The following SBNO2 variants were observed in gnomAD, a reference collection of about 807,000 sequenced individuals.
The protein encoded by SBNO2 is protein strawberry notch homolog 2.
A neutral mutation model predicts 146.3 loss-of-function variants in SBNO2; 89 were observed. The ratio of observed to expected loss-of-function variants is 0.61; its 90% CI spans 0.51 to 0.73. The LOEUF (loss-of-function observed/expected upper bound fraction) is 0.73. Ranked by LOEUF, SBNO2 falls within the 30% of genes least tolerant of loss-of-function variation. The probability of loss-of-function intolerance (pLI) is 0.00; values close to 1 mark genes in which losing one functional copy is unlikely to be tolerated. For missense variants in SBNO2, 2,092 were observed against 2,003.7 expected, an observed-to-expected ratio of 1.04 and a Z score of -0.84; for synonymous variants, 1,147 against 892.6, an observed-to-expected ratio of 1.29 and a Z score of -5.08.
intron 6 of SBNO2, 142 bp downstream of exon 6, chr19:1,123,800 T>C: frequency 9.4e-7 from 1 of 1,060,784 alleles, no homozygotes; most frequent in Non-Finnish European, 1.4e-6. Flanking sequence ...CCCCAGGGCC[T>C]CCATCTCCTC....
Position 1,122,805 on chromosome 19 carries a change from G to A in SBNO2, c.781-14C>T. The A allele has an allele frequency of 6.5e-7, 1 of 1,538,162 alleles. No individual in the cohort carries two copies. Among genetic ancestry groups the A allele is most frequent in the East Asian group, 2.4e-5 (1 of 41,004 alleles). On this transcript the variant is annotated splice_polypyrimidine_tract_variant and intron_variant, in intron 8 of 31. Coordinates refer to ENST00000361757, the MANE Select transcript of SBNO2 (RefSeq NM_014963.3). ...GACCTCGTGTTGCTGTTGCCGGAGA[G>A]CAGGCGTCAGGGCCTGGGGGTGCTG...
chr19:1,173,646 CG>C lies in SBNO2; in HGVS notation c.-127+525del. On this transcript the variant is annotated intron_variant, in intron 1 of 31. Transcript: ENST00000361757. This position sits in a 1 kb window ranked among gnomAD's most constrained non-coding sequence, Gnocchi z 4.7. ...CAGGAATCGGGGCGGCGGGAGAGAC[CG>C]GGGGTCACTCCCAGGAAGGGGTCGA... The C allele has an allele frequency of 6.6e-6, 1 of 152,238 alleles. No individual in the cohort carries two copies. The highest frequency in any genetic ancestry group is 1.5e-5 in the Non-Finnish European group (1 of 68,224). The allele number at this position is 152,238 out of a possible 1,614,324, so 9.4% of individuals were successfully genotyped here. A position where few individuals can be genotyped will look rare whatever the true frequency, so the allele number is the denominator to read the frequency against.
At position 1,144,997 on chromosome 19, in the gene SBNO2, T is replaced by G. The variant is rs1162637370; in HGVS notation, c.279+2312A>C. On this transcript the variant is annotated intron_variant, in intron 4 of 31. Coordinates refer to ENST00000361757, the MANE Select transcript of SBNO2 (RefSeq NM_014963.3). This position sits in a 1 kb window ranked among gnomAD's most constrained non-coding sequence, Gnocchi z 4.1. ...AGAGACTGAGAGGGAGACAGAGAGA[T>G]GGAGCATAGAGGGAGACAGAGACAG... 3.4e-5 allele frequency among the ~76,000 whole-genome samples: 4 copies of G among 116,764 alleles called. No homozygotes were observed. Among genetic ancestry groups the G allele is most frequent in the African/African-American group, 3.5e-5 (1 of 28,842 alleles). The allele number at this position is 116,764 out of a possible 152,430, so 76.6% of individuals were successfully genotyped here.
chr19:1,131,536 T>G (rs562164273), intron 4 of SBNO2, among the ~76,000 whole-genome samples: 81 of 152,312 alleles, frequency 5.3e-4, no homozygotes, highest in African/African-American at 1.6e-3. Context: ...CCAGACCTGA[T>G]GTGCTGCCGC....
At position 1,108,816 on chromosome 19, in the gene SBNO2, G is replaced by C. The variant is rs762118022; in HGVS notation, c.3579C>G (p.Ile1193Met). 1 of 1,602,988 alleles carries C rather than the reference G, an allele frequency of 6.2e-7. No homozygotes were observed. The highest frequency in any genetic ancestry group is 8.5e-7 in the Non-Finnish European group (1 of 1,179,004). The change falls in exon 31 of 32, where the codon ATC becomes ATG. Residue 1193 changes from isoleucine (I) to methionine (M), a missense_variant. Ile to Met is a conservative substitution (Grantham distance 10). Transcript: ENST00000361757. ...ADVSSSSYLQ[I>M]VRLKTKDRKK... The stretch of plus-strand genomic sequence containing the variant: ...TCCTGTCCTTGGTCTTCAGCCGCAC[G>C]ATCTGCAGGTAGCTGCTGCTGCTGA...
At position 1,108,719 on chromosome 19, in the gene SBNO2, T is replaced by G. The variant is rs767137863; in HGVS notation, c.3617-15A>C. The stretch of plus-strand genomic sequence containing the variant: ...GATCTTGATGCCTGCGGGCAGAGCG[T>G]CGGGGTCAGGGCCGGCGCTGGGGGC... On this transcript the variant is annotated splice_polypyrimidine_tract_variant and intron_variant, in intron 31 of 31. Transcript: ENST00000361757. 26 of 1,564,426 alleles carry G rather than the reference T, an allele frequency of 1.7e-5. No individual in the cohort carries two copies. The highest frequency in any genetic ancestry group is 2.1e-5 in the Non-Finnish European group (25 of 1,163,398).
At chr19:1,113,831 C>A in intron 18 of SBNO2, 127 bp from the exon 19 acceptor site, 1 of 1,216,818 alleles carries the variant, frequency 8.2e-7, no homozygotes, top group Non-Finnish European at 1.1e-6. Flanking sequence ...GGCAGGGTGG[C>A]GGGGAAGCCC....
At chr19:1,120,169 T>G (rs2079883418) in intron 11 of SBNO2, 146 bp from the exon 12 acceptor site, 5 of 624,286 alleles carry the variant, frequency 8.0e-6, no homozygotes, top group Non-Finnish European at 1.4e-5. Context: ...CAGGTCGGAG[T>G]GGCAGCCGGC....
intron 4 of SBNO2, chr19:1,132,345 C>G: frequency 1.6e-6 from 2 of 1,255,456 alleles, no homozygotes; most frequent in Non-Finnish European, 2.0e-6. Flanking sequence ...GATGCCGGCC[C>G]CGTAAGTCAG....
rs1405607699 is a variant in SBNO2 at position 1,109,768 on chromosome 19, G to A, written c.3038C>T (p.Pro1013Leu). 6.3e-7 allele frequency: 1 copy of A among 1,593,480 alleles called. No homozygotes were observed. The highest frequency in any genetic ancestry group is 1.1e-5 in the South Asian group (1 of 88,494). Reference protein sequence around the residue: ...KYDMGILDLAPGIEEIYEESQ... With the variant: ...KYDMGILDLALGIEEIYEESQ... The stretch of plus-strand genomic sequence containing the variant: ...CTCCTCGTAGATCTCCTCGATACCG[G>A]GAGCAAGGTCTAGGGGGGCGGGTGG... Residue 1013 changes from proline to leucine, a missense_variant, in exon 27 of 32, where the codon CCC becomes CTC. Transcript: ENST00000361757. This position sits in a 1 kb window ranked among gnomAD's most constrained non-coding sequence, Gnocchi z 4.2.
At chr19:1,133,896 T>C (rs1280409573) in intron 4 of SBNO2, among the ~76,000 whole-genome samples, 4 of 152,210 alleles carry the variant, frequency 2.6e-5, no homozygotes, top group Non-Finnish European at 5.9e-5. Flanking sequence ...GGAACCATCC[T>C]GCAGCTCCTC....
At chr19:1,151,390 A>C (rs2080241009) in intron 2 of SBNO2, among the ~76,000 whole-genome samples, 1 of 152,076 alleles carries the variant, frequency 6.6e-6, no homozygotes. Context: ...AGGCTAGGGG[A>C]TGGGACGGGG....
intron 1 of SBNO2, among the ~76,000 whole-genome samples, chr19:1,169,317 G>T (rs1014281428): frequency 6.6e-6 from 1 of 152,192 alleles, no homozygotes; most frequent in Non-Finnish European, 1.5e-5. Context: ...GGAGAGCCAG[G>T]GCACAGGGCA....
At chr19:1,123,466 C>A in intron 7 of SBNO2, 68 bp downstream of exon 7, 2 of 1,374,340 alleles carry the variant, frequency 1.5e-6, no homozygotes, top group Non-Finnish European at 1.0e-6. Context: ...CGGTGGTCAC[C>A]TGCAGGGTCT....
chr19:1,109,578 C>A lies in SBNO2; in HGVS notation c.3144G>T (p.Leu1048=). 6.3e-7 allele frequency: 1 copy of A among 1,593,610 alleles called. No individual in the cohort carries two copies. Among genetic ancestry groups the A allele is most frequent in the East Asian group, 2.3e-5 (1 of 43,938 alleles). The stretch of plus-strand genomic sequence containing the variant: ...ACTTGGCAAAGGCGTCCTCCCACTT[C>A]AGGCCGCGGTCCACGCTGATCTGCC... ...VFYKISVDRG[L]KWEDAFAKSL... is the part of the protein sequence containing the mutation. The change falls in exon 28 of 32, where the codon CTG becomes CTT. Residue 1048 remains leucine, a synonymous_variant. Coordinates refer to ENST00000361757, the MANE Select transcript of SBNO2 (RefSeq NM_014963.3). The surrounding 1 kb of genome is among the most constrained non-coding windows in gnomAD (Gnocchi z 4.2).
rs1464200242 is a variant in SBNO2 at position 1,108,299 on chromosome 19, C to G, written c.4022G>C (p.Gly1341Ala). 2 of 1,484,376 alleles carry G rather than the reference C, an allele frequency of 1.3e-6. No homozygotes were observed. Among genetic ancestry groups the G allele is most frequent in the South Asian group, 2.5e-5 (2 of 80,736 alleles). 92.0% of individuals were successfully genotyped at this position (1,484,376 alleles called of 1,614,324 possible). A position where few individuals can be genotyped will look rare whatever the true frequency, so the allele number is the denominator to read the frequency against. Reference sequence around the variant, plus strand: ...CCGCTCGGGACCACCGCCCGCCGCGCCCCCCGCCCCCGCGCCCTCCCCCAG... The same window carrying G: ...CCGCTCGGGACCACCGCCCGCCGCGGCCCCCGCCCCCGCGCCCTCCCCCAG... ...GALGEGAGAG[G>A]AAGGGPERQS... is the part of the protein sequence containing the mutation. Residue 1341 changes from glycine (G) to alanine (A), a missense_variant, in exon 32 of 32, where the codon GGC becomes GCC. Transcript: ENST00000361757.
At chr19:1,164,620 G>A (rs867821099) in intron 1 of SBNO2, among the ~76,000 whole-genome samples, 3 of 113,868 alleles carry the variant, frequency 2.6e-5, no homozygotes, top group Non-Finnish European at 3.7e-5. Flanking sequence ...AGGAGGAGGA[G>A]GAACAGGAGG....
intron 4 of SBNO2, among the ~76,000 whole-genome samples, chr19:1,133,106 G>C (rs1259782453): frequency 6.6e-6 from 1 of 152,160 alleles, no homozygotes; most frequent in African/African-American, 2.4e-5. Flanking sequence ...GGTGTCCTTG[G>C]AGGAGCTGGG....
rs2079785900 is a variant in SBNO2, at chr19:1,113,041, T to C, written c.2248-92A>G. ...GTCTCAGCTTCCCTATGTCCTACAGTGGTCATGGGCTCCCAGCTGTGCACG... is the reference window on the plus strand; with the variant it reads ...GTCTCAGCTTCCCTATGTCCTACAGCGGTCATGGGCTCCCAGCTGTGCACG... On this transcript the variant is annotated intron_variant, in intron 19 of 31. Transcript: ENST00000361757. 2.1e-6 allele frequency: 3 copies of C among 1,413,606 alleles called. 1 individual carries two copies. The highest frequency in any genetic ancestry group is 2.7e-5 in the South Asian group (2 of 73,194). The allele number at this position is 1,413,606 out of a possible 1,614,324, so 87.6% of individuals were successfully genotyped here. A position where few individuals can be genotyped will look rare whatever the true frequency, so the allele number is the denominator to read the frequency against.
Sources: gnomAD v4.1 joint callset for allele counts (sites outside exome capture counted in the v4.1 genomes callset) on GRCh38, gnomAD v4.1.1 for gene constraint, Gnocchi (gnomAD v3.1) non-coding constraint, MANE v1.5 for transcripts, NCBI Gene and HGNC (gene_info 2026-07-23, HGNC 2026-07-21) for gene names.